Variants in UBE2G1 observed in about 807,000 individuals in gnomAD.
UBE2G1 encodes the protein ubiquitin-conjugating enzyme E2 G1.
UBE2G1 carries 5 observed loss-of-function variants against 22.7 expected under a neutral mutation model. The observed-to-expected ratio is 0.22, with a 90% CI of 0.12 to 0.46. The LOEUF (loss-of-function observed/expected upper bound fraction) is 0.46, where lower values mean the gene tolerates loss of function less well. Among genes scored for constraint, UBE2G1 ranks in the 20% least tolerant of loss-of-function variants. The pLI is 0.99. For missense variants in UBE2G1, 88 were observed against 203.9 expected (o/e 0.43, Z 3.46); for synonymous variants, 74 against 67.5 (o/e 1.10, Z -0.47).
intron 1 of UBE2G1, among the ~76,000 whole-genome samples, chr17:4,328,868 C>G (rs529554792): frequency 4.6e-5 from 7 of 152,122 alleles, no homozygotes; most frequent in Non-Finnish European, 1.0e-4. Context: ...GGGCAGATCA[C>G]GAGGTCAGGA....
At chr17:4,331,950 T>C (rs1465301942) in intron 1 of UBE2G1, 1 of 152,160 alleles carries the variant, frequency 6.6e-6, no homozygotes, top group Non-Finnish European at 1.5e-5. Context: ...ATAAACACTA[T>C]AAATATATTA....
chr17:4,363,358 G>A (rs1024929907), intron 1 of UBE2G1, among the ~76,000 whole-genome samples: 5 of 152,050 alleles, frequency 3.3e-5, no homozygotes, highest in Admixed American at 6.6e-5. Context: ...TTACAATGAG[G>A]CCTGAAAAAA....
intron 1 of UBE2G1, among the ~76,000 whole-genome samples, chr17:4,310,421 A>G (rs1969296573): frequency 6.6e-6 from 1 of 152,242 alleles, no homozygotes; most frequent in South Asian, 2.1e-4. Flanking sequence ...CTAAAAAGAA[A>G]AGAAATAAAG....
rs375010151 is a variant in UBE2G1, at chr17:4,350,791, G to A, written c.46+15480C>T. On this transcript the variant is annotated intron_variant, in intron 1 of 5. Transcript: ENST00000396981. ...CTCACGTCTGTAATCCCAGCACTTT[G>A]GGAGGCCGAGGAGGGCAGATCACGA... is the stretch of plus-strand genomic sequence containing the variant. 6.6e-5 allele frequency among the ~76,000 whole-genome samples: 10 copies of A among 152,146 alleles called. No homozygotes were observed. The East Asian group carries it at 1.9e-3, about 29-fold the overall frequency.
intron 1 of UBE2G1, among the ~76,000 whole-genome samples, chr17:4,364,736 C>T (rs1445727701): frequency 6.6e-6 from 1 of 152,148 alleles, no homozygotes; most frequent in Admixed American, 6.6e-5. Flanking sequence ...CCCTCCGCCA[C>T]GCCCGAATAA....
chr17:4,288,669 T>C (rs777633204), intron 4 of UBE2G1, among the ~76,000 whole-genome samples: 61 of 152,210 alleles, frequency 4.0e-4, no homozygotes, highest in Non-Finnish European at 1.8e-4. Context: ...ACTACACTTC[T>C]GCTCTGCCCA....
At chr17:4,291,454 C>A (rs1445508147) in intron 3 of UBE2G1, among the ~76,000 whole-genome samples, 2 of 150,206 alleles carry the variant, frequency 1.3e-5, no homozygotes, top group African/African-American at 4.9e-5. Flanking sequence ...ACAATGTTTT[C>A]TGTACTTACT....
chr17:4,303,694 A>C (rs533916443), intron 2 of UBE2G1, among the ~76,000 whole-genome samples: 152 of 152,354 alleles, frequency 1.0e-3, no homozygotes, highest in Non-Finnish European at 1.8e-3. Flanking sequence ...TTCTGCCTCT[A>C]TGTCTCACAC....
chr17:4,353,471 AC>A (rs1269283106), intron 1 of UBE2G1, among the ~76,000 whole-genome samples: 1 of 151,672 alleles, frequency 6.6e-6, no homozygotes, highest in Admixed American at 6.6e-5. Flanking sequence ...ATACACACAC[AC>A]ACACACACAC....
intron 2 of UBE2G1, among the ~76,000 whole-genome samples, chr17:4,300,369 G>C (rs8065534): frequency 0.037 from 5,655 of 151,278 alleles, 389 homozygotes; most frequent in African/African-American, 0.13. Flanking sequence ...ATGGTGAAAC[G>C]CCGTCTCTAC....
intron 1 of UBE2G1, among the ~76,000 whole-genome samples, chr17:4,360,140 T>G (rs1296731316): frequency 6.6e-6 from 1 of 152,182 alleles, no homozygotes; most frequent in Admixed American, 6.6e-5. Context: ...TTTGTTTCCA[T>G]AAGCCCACAC....
At chr17:4,348,819 C>T (rs911809093) in intron 1 of UBE2G1, among the ~76,000 whole-genome samples, 2 of 151,730 alleles carry the variant, frequency 1.3e-5, no homozygotes, top group Non-Finnish European at 2.9e-5. Context: ...TGAGATTATG[C>T]CACTGCACTC....
intron 4 of UBE2G1, among the ~76,000 whole-genome samples, chr17:4,285,707 T>C (rs1968954760): frequency 6.6e-6 from 1 of 151,928 alleles, no homozygotes; most frequent in African/African-American, 2.4e-5. Flanking sequence ...ATCCCAGCAC[T>C]TTGGGAGGCC....
chr17:4,300,519 G>T (rs1035890468), intron 2 of UBE2G1, among the ~76,000 whole-genome samples: 24 of 151,092 alleles, frequency 1.6e-4, no homozygotes, highest in African/African-American at 5.8e-4. Context: ...CTCCAGCCTG[G>T]GCCACAAAGC....
chr17:4,316,762 A>T (rs1267491638), intron 1 of UBE2G1, among the ~76,000 whole-genome samples: 1 of 151,842 alleles, frequency 6.6e-6, no homozygotes, highest in Non-Finnish European at 1.5e-5. Flanking sequence ...AGGTGGGAGG[A>T]TCGCTTAAGG....
intron 4 of UBE2G1, among the ~76,000 whole-genome samples, chr17:4,288,061 G>C (rs986652722): frequency 3.3e-5 from 5 of 152,140 alleles, no homozygotes; most frequent in African/African-American, 1.2e-4. Context: ...TTGGGGTGAA[G>C]GGTTATGGTA....
rs1968739386 is a variant in UBE2G1 at position 4,270,229 on chromosome 17, T to C, written c.*2325A>G. 6.6e-6 allele frequency: 1 copy of C among 152,602 alleles called. No individual in the cohort carries two copies. Among genetic ancestry groups the C allele is most frequent in the Non-Finnish European group, 1.5e-5 (1 of 68,024 alleles). The allele number at this position is 152,602 out of a possible 1,614,324, so 9.5% of individuals were successfully genotyped here. A position where few individuals can be genotyped will look rare whatever the true frequency, so the allele number is the denominator to read the frequency against. On this transcript the variant is annotated 3_prime_UTR_variant, in exon 6 of 6. Coordinates refer to ENST00000396981, the MANE Select transcript of UBE2G1 (RefSeq NM_003342.5). ...AGTTGTCCCTGAGTTACTAGGTCAT[T>C]TGCTGCTTGCTGAAGAGTCAGATCC...
chr17:4,327,682 G>T (rs571021420), intron 1 of UBE2G1, among the ~76,000 whole-genome samples: 1 of 152,140 alleles, frequency 6.6e-6, no homozygotes, highest in African/African-American at 2.4e-5. Flanking sequence ...TATCAGAAGT[G>T]TGGGACACAT....
rs149152228 is a variant in UBE2G1 at position 4,324,110 on chromosome 17, T to C, written c.47-16987A>G. Among the ~76,000 whole-genome samples the C allele has an allele frequency of 2.3e-3, 344 of 152,324 alleles. 1 individual carries two copies. The highest frequency in any genetic ancestry group is 7.7e-3 in the African/African-American group (321 of 41,572). On this transcript the variant is annotated intron_variant, in intron 1 of 5. Coordinates refer to ENST00000396981, the MANE Select transcript of UBE2G1 (RefSeq NM_003342.5). ...CAATCACCAAATAATTGTTCGAATT[T>C]AGAACCATTAACCCAAGAATGTGTA...
Sources: allele counts gnomAD v4.1 joint callset (sites outside exome capture counted in the v4.1 genomes callset), GRCh38; gene constraint gnomAD v4.1.1; transcripts MANE v1.5; gene names NCBI Gene and HGNC (gene_info 2026-07-23, HGNC 2026-07-21).